MCMBP: variants seen among roughly 807,000 people sequenced by gnomAD.
MCMBP encodes the protein mini-chromosome maintenance complex-binding protein.
MCMBP carries 31 observed loss-of-function variants against 81.3 expected under a neutral mutation model. That is an observed-to-expected ratio of 0.38 (90% CI 0.29 to 0.51). The LOEUF is 0.51. Ranked by LOEUF, MCMBP falls within the 20% of genes least tolerant of loss-of-function variation. MCMBP has a pLI of 0.87. For synonymous variants in MCMBP, 267 were observed against 275.9 expected (o/e 0.97, Z 0.32); for missense variants, 645 against 772.1 (o/e 0.84, Z 1.95).
chr10:119,843,775 C>T lies in MCMBP; in HGVS notation c.828-349G>A, dbSNP rs181077990. Among the ~76,000 whole-genome samples the T allele has an allele frequency of 2.8e-4, 42 of 152,186 alleles. 1 individual carries two copies. The East Asian group carries it at 7.9e-3, about 29-fold the overall frequency. Reference sequence around the variant, plus strand: ...CTCCTGGGTTCAAGCGATTCTCATGCCTCAGCCTCCTGAGTAGCTGAGATT... The same window carrying T: ...CTCCTGGGTTCAAGCGATTCTCATGTCTCAGCCTCCTGAGTAGCTGAGATT... On this transcript the variant is annotated intron_variant, in intron 8 of 15. Transcript: ENST00000369077.
intron 6 of MCMBP, 59 bp downstream of exon 6, chr10:119,852,991 T>C (rs1173743924): frequency 2.0e-5 from 32 of 1,593,450 alleles, no homozygotes; most frequent in Middle Eastern, 1.7e-4. Context: ...CAATTCACTC[T>C]GAAAACCAAT....
intron 1 of MCMBP, among the ~76,000 whole-genome samples, chr10:119,871,066 G>A (rs1164177916): frequency 6.6e-6 from 1 of 152,130 alleles, no homozygotes; most frequent in Non-Finnish European, 1.5e-5. Context: ...ATCAGAGTAT[G>A]GGGTATTTCT....
At chr10:119,850,874 G>GTTTTTTTTTTTTTT (rs1284100421) in intron 6 of MCMBP, among the ~76,000 whole-genome samples, 35 of 130,532 alleles carry the variant, frequency 2.7e-4, no homozygotes, top group Middle Eastern at 3.9e-3. Flanking sequence ...TACAAGATCT[G>GTTTTTTTTTTTTTT]TTTTTTTTTT....
intron 5 of MCMBP, among the ~76,000 whole-genome samples, chr10:119,853,811 A>T (rs896662162): frequency 3.3e-5 from 5 of 152,192 alleles, no homozygotes; most frequent in African/African-American, 9.7e-5. Context: ...AATGGACCCT[A>T]CTAGTCATCC....
At chr10:119,853,603 C>T (rs1050228710) in intron 5 of MCMBP, among the ~76,000 whole-genome samples, 13 of 152,274 alleles carry the variant, frequency 8.5e-5, no homozygotes, top group Admixed American at 7.2e-4. Flanking sequence ...TGGTTCAGGG[C>T]TAGTGAAGCA....
chr10:119,865,893 T>C (rs982275481), intron 1 of MCMBP, among the ~76,000 whole-genome samples: 1 of 151,696 alleles, frequency 6.6e-6, no homozygotes, highest in Admixed American at 6.6e-5. Context: ...CTGGGCAACA[T>C]AGTGAGACCC....
At chr10:119,833,988 G>T (rs913888092) in intron 14 of MCMBP, among the ~76,000 whole-genome samples, 4 of 152,004 alleles carry the variant, frequency 2.6e-5, no homozygotes, top group African/African-American at 9.7e-5. Flanking sequence ...ATTTGATCAG[G>T]CAGAAGAAAA....
At chr10:119,834,632 C>A (rs904959970) in intron 14 of MCMBP, among the ~76,000 whole-genome samples, 1 of 151,782 alleles carries the variant, frequency 6.6e-6, no homozygotes, top group Non-Finnish European at 1.5e-5. Context: ...GCCTGGGCAA[C>A]ATAAAGAGAT....
chr10:119,847,022 A>G (rs1232139587), intron 8 of MCMBP, among the ~76,000 whole-genome samples: 1 of 152,174 alleles, frequency 6.6e-6, no homozygotes, highest in East Asian at 1.9e-4. Context: ...AACAATTCTG[A>G]AATTCCCTTC....
At chr10:119,870,697 C>G (rs1298048504) in intron 1 of MCMBP, among the ~76,000 whole-genome samples, 2 of 152,114 alleles carry the variant, frequency 1.3e-5, no homozygotes, top group Non-Finnish European at 2.9e-5. Context: ...CAAAAAGTGC[C>G]TATAAGTTAT....
At chr10:119,840,394 G>A (rs753631506) in intron 11 of MCMBP, among the ~76,000 whole-genome samples, 28 of 152,094 alleles carry the variant, frequency 1.8e-4, no homozygotes, top group Non-Finnish European at 3.1e-4. Context: ...CTACCACCAC[G>A]CAAATACTGC....
intron 5 of MCMBP, 146 bp from the exon 6 acceptor site, chr10:119,853,340 C>T: frequency 1.3e-6 from 1 of 782,966 alleles, no homozygotes; most frequent in South Asian, 1.9e-5. Flanking sequence ...ACTTCCAGTT[C>T]TGGTCATGAG....
At chr10:119,833,092 A>G (rs1044425710) in intron 14 of MCMBP, among the ~76,000 whole-genome samples, 5 of 152,162 alleles carry the variant, frequency 3.3e-5, no homozygotes, top group Non-Finnish European at 1.5e-5. Flanking sequence ...ATTTTTATTT[A>G]TGATTATTAT....
chr10:119,831,459 A>AT lies in MCMBP; in HGVS notation c.*14dup. 2 of 1,613,640 alleles carry AT rather than the reference A, an allele frequency of 1.2e-6. No individual in the cohort carries two copies. The highest frequency in any genetic ancestry group is 1.7e-6 in the Non-Finnish European group (2 of 1,179,726). On this transcript the variant is annotated 3_prime_UTR_variant, in exon 16 of 16. Coordinates refer to ENST00000369077, the MANE Select transcript of MCMBP (RefSeq NM_001256378.2). ...GGCTACAGTTTGCCCATTACTCTTC[A>AT]TAGGTATTACATCTTTAAAGTTCAT...
chr10:119,857,097 C>CAAAAAA (rs34331152), intron 5 of MCMBP, among the ~76,000 whole-genome samples: 3 of 82,470 alleles, frequency 3.6e-5, no homozygotes, highest in African/African-American at 1.5e-4. Context: ...GTCCCTATCT[C>CAAAAAA]AAAAAAAAAA....
chr10:119,838,184 ATAC>A (rs1273465403), intron 12 of MCMBP, among the ~76,000 whole-genome samples: 1 of 150,348 alleles, frequency 6.7e-6, no homozygotes, highest in Non-Finnish European at 1.5e-5. Context: ...CTGCTCCATT[ATAC>A]TAATACTACC....
chr10:119,837,804 TAGATC>T (rs1201057300), intron 12 of MCMBP, among the ~76,000 whole-genome samples: 1 of 152,012 alleles, frequency 6.6e-6, no homozygotes, highest in African/African-American at 2.4e-5. Context: ...AAAATTATAT[TAGATC>T]TTTTCTACAC....
intron 10 of MCMBP, among the ~76,000 whole-genome samples, chr10:119,841,857 G>A (rs1403004126): frequency 3.3e-5 from 5 of 152,232 alleles, no homozygotes; most frequent in Non-Finnish European, 7.3e-5. Flanking sequence ...TAAACAGAGC[G>A]TTCAGAATGC....
chr10:119,840,038 A>G (rs2134349122), intron 11 of MCMBP, among the ~76,000 whole-genome samples: 1 of 152,344 alleles, frequency 6.6e-6, no homozygotes, highest in Non-Finnish European at 1.5e-5. Context: ...GCTTGGGAAA[A>G]GTTGTTTTTA....
Sources: gnomAD v4.1 joint callset for allele counts (sites outside exome capture counted in the v4.1 genomes callset) on GRCh38, gnomAD v4.1.1 for gene constraint, MANE v1.5 for transcripts, NCBI Gene and HGNC (gene_info 2026-07-23, HGNC 2026-07-21) for gene names.